NRXN3: variants seen among roughly 807,000 people sequenced by gnomAD.
The protein encoded by NRXN3 is neurexin 3, also known as neurexin III.
In NRXN3, 32 loss-of-function variants were observed where a neutral mutation model predicts 137.6. That is an observed-to-expected ratio of 0.23 (90% CI 0.18 to 0.31). The LOEUF (loss-of-function observed/expected upper bound fraction) is 0.31. NRXN3 is among the 10% of genes least tolerant of loss of function. NRXN3 has a pLI of 1.00. For synonymous variants in NRXN3, 798 were observed against 784.5 expected (o/e 1.02, Z -0.29); for missense variants, 1,574 against 2,062.5 (o/e 0.76, Z 4.59).
intron 15 of NRXN3, among the ~76,000 whole-genome samples, chr14:79,091,586 G>A (rs553272440): frequency 3.9e-5 from 6 of 152,178 alleles, no homozygotes; most frequent in Admixed American, 3.9e-4. Flanking sequence ...GTTCCTGCTT[G>A]GAGCTTACAT....
intron 18 of NRXN3, 44 bp from the exon 19 acceptor site, chr14:79,697,586 A>G: frequency 1.9e-6 from 3 of 1,580,218 alleles, no homozygotes; most frequent in Non-Finnish European, 2.6e-6. Context: ...GCAAACAAGG[A>G]AAACGTATGA....
At chr14:79,281,282 T>C (rs982857128) in intron 15 of NRXN3, among the ~76,000 whole-genome samples, 4 of 152,150 alleles carry the variant, frequency 2.6e-5, no homozygotes, top group Non-Finnish European at 5.9e-5. Context: ...AAATGTTATT[T>C]CATCTTTAGG....
intron 8 of NRXN3, among the ~76,000 whole-genome samples, chr14:78,785,643 T>C (rs1367992728): frequency 6.6e-6 from 1 of 152,210 alleles, no homozygotes. Flanking sequence ...TTTAGCTGTG[T>C]TCTTCGTTGT....
In NRXN3 at chr14:79,498,056, C is replaced by A. The variant is rs555567375; in HGVS notation, c.3444+30654C>A. Among the ~76,000 whole-genome samples the A allele has an allele frequency of 3.5e-3, 532 of 151,476 alleles. 1 individual carries two copies. Among genetic ancestry groups the A allele is most frequent in the Admixed American group, 6.5e-3 (99 of 15,238 alleles). ...CTCAGAAAACAAACAAACAAACAAA[C>A]AAAAAAAACCAGGAAGAACATATTC... On this transcript the variant is annotated intron_variant, in intron 16 of 20. Coordinates refer to ENST00000335750, the MANE Select transcript of NRXN3 (RefSeq NM_001330195.2).
chr14:79,135,595 G>A (rs1312058260), intron 15 of NRXN3, among the ~76,000 whole-genome samples: 1 of 152,120 alleles, frequency 6.6e-6, no homozygotes, highest in Non-Finnish European at 1.5e-5. Context: ...ACAATCCACA[G>A]TATCTCTCTC....
At chr14:78,473,067 C>A (rs759992804) in intron 4 of NRXN3, among the ~76,000 whole-genome samples, 11 of 152,122 alleles carry the variant, frequency 7.2e-5, no homozygotes, top group South Asian at 4.2e-4. Context: ...TAAAACCAAT[C>A]CTGTTTGATA....
intron 15 of NRXN3, among the ~76,000 whole-genome samples, chr14:79,053,712 G>A (rs995771723): frequency 6.6e-6 from 1 of 151,944 alleles, no homozygotes; most frequent in African/African-American, 2.4e-5. Flanking sequence ...GTCTGTGATG[G>A]TAAGGGAAAA....
intron 4 of NRXN3, among the ~76,000 whole-genome samples, chr14:78,509,090 A>G (rs1234443231): frequency 1.3e-5 from 2 of 152,198 alleles, no homozygotes; most frequent in Non-Finnish European, 2.9e-5. Flanking sequence ...ACTTGAGGTC[A>G]GAAGTTTGAG....
chr14:79,262,493 A>G (rs1301928959), intron 15 of NRXN3, among the ~76,000 whole-genome samples: 1 of 150,368 alleles, frequency 6.7e-6, no homozygotes, highest in Non-Finnish European at 1.5e-5. Flanking sequence ...AAGGAGGAGA[A>G]TGAGGAAGGA....
chr14:78,365,056 A>C (rs4520775), intron 4 of NRXN3, among the ~76,000 whole-genome samples: 149,261 of 152,222 alleles, frequency 0.98, 73,223 homozygotes, highest in Non-Finnish European at 1. Context: ...ATTAGCAAGA[A>C]ATTAAAAAAA....
At chr14:78,261,550 A>C (rs912813967) in intron 2 of NRXN3, among the ~76,000 whole-genome samples, 1 of 152,214 alleles carries the variant, frequency 6.6e-6, no homozygotes. Flanking sequence ...CTTTTTGTCA[A>C]GATTTAGTGA....
At chr14:78,934,821 G>T (rs2099330924) in intron 10 of NRXN3, among the ~76,000 whole-genome samples, 1 of 151,820 alleles carries the variant, frequency 6.6e-6, no homozygotes, top group South Asian at 2.1e-4. Context: ...GGGGTGGGGG[G>T]AGTGGGGAGG....
At chr14:78,912,359 A>C (rs1466977009) in intron 10 of NRXN3, among the ~76,000 whole-genome samples, 1 of 151,278 alleles carries the variant, frequency 6.6e-6, no homozygotes, top group African/African-American at 2.4e-5. Context: ...TAGAGAAGCA[A>C]TCAGTTCTTA....
chr14:78,733,645 A>G (rs985668335), intron 8 of NRXN3, among the ~76,000 whole-genome samples: 4 of 152,198 alleles, frequency 2.6e-5, no homozygotes, highest in African/African-American at 7.2e-5. Context: ...TTGTTGCTCT[A>G]AGTCAACTAT....
At chr14:78,728,130 A>G (rs937412720) in intron 8 of NRXN3, among the ~76,000 whole-genome samples, 7 of 152,212 alleles carry the variant, frequency 4.6e-5, no homozygotes, top group Non-Finnish European at 1.0e-4. Context: ...GCAATTTCAG[A>G]GGTGCTCTTG....
At chr14:78,182,121 G>A (rs915784696) in intron 1 of NRXN3, among the ~76,000 whole-genome samples, 1 of 135,782 alleles carries the variant, frequency 7.4e-6, no homozygotes. Flanking sequence ...GGGGCCGGGG[G>A]GGACAATGAT....
intron 2 of NRXN3, among the ~76,000 whole-genome samples, chr14:78,265,569 A>G (rs1319935546): frequency 6.6e-6 from 1 of 152,210 alleles, no homozygotes; most frequent in African/African-American, 2.4e-5. Context: ...CATTCAATGA[A>G]CTAGTGACTT....
chr14:79,073,506 A>G (rs919513000), intron 15 of NRXN3, among the ~76,000 whole-genome samples: 1 of 152,170 alleles, frequency 6.6e-6, no homozygotes, highest in African/African-American at 2.4e-5. Context: ...AATAAAATCA[A>G]TGCTGAAATG....
intron 4 of NRXN3, among the ~76,000 whole-genome samples, chr14:78,564,042 T>C (rs1269175870): frequency 6.6e-6 from 1 of 152,202 alleles, no homozygotes; most frequent in Admixed American, 6.5e-5. Flanking sequence ...TTCAATTAGG[T>C]ATTCCAAATT....
Sources: gnomAD v4.1 joint callset for allele counts (sites outside exome capture counted in the v4.1 genomes callset) on GRCh38, gnomAD v4.1.1 for gene constraint, MANE v1.5 for transcripts, NCBI Gene and HGNC (gene_info 2026-07-23, HGNC 2026-07-21) for gene names.